Variants in RAB7A observed in about 807,000 individuals in gnomAD.
The protein encoded by RAB7A is ras-related protein Rab-7a.
A neutral mutation model predicts 24.5 loss-of-function variants in RAB7A; 2 were observed. The ratio of observed to expected loss-of-function variants is 0.08; its 90% CI spans 0.03 to 0.26. RAB7A has a LOEUF of 0.26. Among genes scored for constraint, RAB7A ranks in the 10% least tolerant of loss-of-function variants. RAB7A has a pLI of 1.00. For missense variants in RAB7A, 118 were observed against 255.7 expected, an observed-to-expected ratio of 0.46 and a Z score of 3.67; for synonymous variants, 100 against 95.9, an observed-to-expected ratio of 1.04 and a Z score of -0.25.
intron 1 of RAB7A, among the ~76,000 whole-genome samples, chr3:128,774,605 G>C (rs1933035012): frequency 1.3e-5 from 2 of 152,028 alleles, no homozygotes. Context: ...ACGGAGTCTC[G>C]CTCTGTTGCC....
At chr3:128,762,175 G>A (rs111593388) in intron 1 of RAB7A, among the ~76,000 whole-genome samples, 1,825 of 152,250 alleles carry the variant, frequency 0.012, 33 homozygotes, top group African/African-American at 0.039. Flanking sequence ...TTGAAAACCC[G>A]GAGGGGAAAT....
chr3:128,754,980 A>G (rs757193028), intron 1 of RAB7A, among the ~76,000 whole-genome samples: 1 of 152,186 alleles, frequency 6.6e-6, no homozygotes, highest in Non-Finnish European at 1.5e-5. Flanking sequence ...AGGGAAATAG[A>G]ATATAGTACT....
chr3:128,752,488 A>G (rs1172905103), intron 1 of RAB7A, among the ~76,000 whole-genome samples: 1 of 152,110 alleles, frequency 6.6e-6, no homozygotes, highest in African/African-American at 2.4e-5. Flanking sequence ...GTAGAGAAAA[A>G]AGAAATAAAA....
intron 1 of RAB7A, among the ~76,000 whole-genome samples, chr3:128,789,389 G>A (rs537279105): frequency 1.7e-4 from 25 of 149,338 alleles, no homozygotes; most frequent in Admixed American, 6.7e-4. Flanking sequence ...AGGCTGGAGC[G>A]CAGTGATGCG....
intron 1 of RAB7A, among the ~76,000 whole-genome samples, chr3:128,727,482 C>G (rs925252437): frequency 5.3e-5 from 8 of 152,198 alleles, no homozygotes; most frequent in African/African-American, 1.2e-4. Context: ...GAAAGTCTTT[C>G]TGGTAGCATC....
At chr3:128,791,437 G>A (rs376043220) in intron 1 of RAB7A, among the ~76,000 whole-genome samples, 4 of 152,158 alleles carry the variant, frequency 2.6e-5, no homozygotes, top group African/African-American at 9.7e-5. Context: ...CACCGCGCCT[G>A]GCCAAAACTT....
intron 1 of RAB7A, among the ~76,000 whole-genome samples, chr3:128,753,515 C>T (rs1576277730): frequency 6.6e-6 from 1 of 152,124 alleles, no homozygotes; most frequent in African/African-American, 2.4e-5. Context: ...CCTCAGATGT[C>T]TTAGTCTTTT....
At chr3:128,774,077 TTA>T (rs1491309801) in intron 1 of RAB7A, among the ~76,000 whole-genome samples, 2 of 71,472 alleles carry the variant, frequency 2.8e-5, no homozygotes, top group Non-Finnish European at 7.2e-5. Flanking sequence ...GAATGATCAA[TTA>T]AAAAAAAAAA....
At chr3:128,809,934 G>GTTTTTTTTTTTT (rs1231077081) in intron 5 of RAB7A, among the ~76,000 whole-genome samples, 3 of 47,548 alleles carry the variant, frequency 6.3e-5, no homozygotes, top group African/African-American at 8.3e-5. Flanking sequence ...TCTTGCCACA[G>GTTTTTTTTTTTT]TCTTTTTTTT....
At chr3:128,796,106 A>C (rs1171001522) in intron 2 of RAB7A, among the ~76,000 whole-genome samples, 1 of 152,094 alleles carries the variant, frequency 6.6e-6, no homozygotes, top group African/African-American at 2.4e-5. Flanking sequence ...TGCCTGCTTC[A>C]GATCTATCTG....
chr3:128,800,165 C>G (rs1216802402), intron 3 of RAB7A, among the ~76,000 whole-genome samples: 1 of 151,944 alleles, frequency 6.6e-6, no homozygotes, highest in Admixed American at 6.6e-5. Flanking sequence ...GACCGAAAAG[C>G]AAAATCTTAA....
chr3:128,782,380 G>A (rs1038022595), intron 1 of RAB7A, among the ~76,000 whole-genome samples: 6 of 152,094 alleles, frequency 3.9e-5, no homozygotes, highest in African/African-American at 1.2e-4. Flanking sequence ...GCTGATGCCC[G>A]CATGGGTGGA....
At chr3:128,813,300 C>G in intron 5 of RAB7A, 27 bp from the exon 6 acceptor site, 1 of 1,601,078 alleles carries the variant, frequency 6.2e-7, no homozygotes. Flanking sequence ...CCCTGAGTAA[C>G]CAACCTTTCT....
chr3:128,743,273 C>T (rs774648005), intron 1 of RAB7A, among the ~76,000 whole-genome samples: 12 of 152,230 alleles, frequency 7.9e-5, no homozygotes, highest in African/African-American at 1.2e-4. Flanking sequence ...GCGAGTGCCG[C>T]GCGCAGCCCC....
intron 1 of RAB7A, among the ~76,000 whole-genome samples, chr3:128,741,425 A>C (rs1215086702): frequency 6.6e-6 from 1 of 152,144 alleles, no homozygotes; most frequent in Non-Finnish European, 1.5e-5. Context: ...ATATGTCGGA[A>C]TCTTTTCCCA....
At chr3:128,759,708 G>A (rs904090221) in intron 1 of RAB7A, among the ~76,000 whole-genome samples, 25 of 151,948 alleles carry the variant, frequency 1.6e-4, no homozygotes, top group Non-Finnish European at 7.4e-5. Context: ...CGTGTATGAT[G>A]GTGACTTTTT....
chr3:128,765,914 A>T (rs1023325090), intron 1 of RAB7A, among the ~76,000 whole-genome samples: 3 of 152,010 alleles, frequency 2.0e-5, no homozygotes, highest in African/African-American at 7.3e-5. Flanking sequence ...GGTGCATGCC[A>T]CCACTCTGGG....
chr3:128,797,934 C>A lies in RAB7A; in HGVS notation c.54-9C>A. ...TTGACTTATACTTATGGTTTTTCTC[C>A]AATTTCAGAGTCGGGAAGACATCAC... On this transcript the variant is annotated splice_polypyrimidine_tract_variant and intron_variant, in intron 2 of 5. Transcript: ENST00000265062. 6.2e-7 allele frequency: 1 copy of A among 1,613,080 alleles called. No homozygotes were observed. Among genetic ancestry groups the A allele is most frequent in the South Asian group, 1.1e-5 (1 of 91,024 alleles).
intron 1 of RAB7A, among the ~76,000 whole-genome samples, chr3:128,770,970 G>A (rs2070879611): frequency 6.7e-6 from 1 of 149,654 alleles, no homozygotes; most frequent in African/African-American, 2.5e-5. Flanking sequence ...AAGGGAATGT[G>A]ACTTTTTTTT....
Sources: allele counts gnomAD v4.1 joint callset (sites outside exome capture counted in the v4.1 genomes callset), GRCh38; gene constraint gnomAD v4.1.1; transcripts MANE v1.5; gene names NCBI Gene and HGNC (gene_info 2026-07-23, HGNC 2026-07-21).